Variants in MYO18B observed in about 807,000 individuals in gnomAD.
The protein encoded by MYO18B is myosin XVIIIB, also known as unconventional myosin-XVIIIb.
Under a neutral mutation model 273.0 loss-of-function variants are expected in MYO18B, and 204 were observed. The ratio of observed to expected loss-of-function variants is 0.75; its 90% CI spans 0.67 to 0.84. MYO18B has a LOEUF of 0.84. Ranked by LOEUF, MYO18B falls within the 40% of genes least tolerant of loss-of-function variation. MYO18B has a pLI of 0.00. For synonymous variants in MYO18B, 1,330 were observed against 1,305.7 expected (o/e 1.02, Z -0.40); for missense variants, 3,212 against 3,287.6 (o/e 0.98, Z 0.56).
At position 25,769,155 on chromosome 22, in the gene MYO18B, G is replaced by A; in HGVS notation, c.1239G>A (p.Glu413=). ...CAGGTGAAGCTCGGAGTCAGACAGA[G>A]AAGGGCTGTGAAGCCCCAAAGGAGG... The part of the protein sequence containing the change: ...GNAGEARSQT[E]KGCEAPKEVS... Residue 413 remains glutamate (E), a synonymous_variant, in exon 4 of 44, where the codon GAG becomes GAA. Transcript: ENST00000335473. 6.2e-7 allele frequency: 1 copy of A among 1,613,110 alleles called. No individual in the cohort carries two copies. Among genetic ancestry groups the A allele is most frequent in the Non-Finnish European group, 8.5e-7 (1 of 1,179,580 alleles).
chr22:25,773,742 C>T (rs2086812844), intron 7 of MYO18B, among the ~76,000 whole-genome samples: 1 of 152,220 alleles, frequency 6.6e-6, no homozygotes, highest in African/African-American at 2.4e-5. Flanking sequence ...GGATTACAGG[C>T]ATGAGCCACT....
chr22:25,778,848 T>C (rs2087021760), intron 8 of MYO18B, among the ~76,000 whole-genome samples: 1 of 151,882 alleles, frequency 6.6e-6, no homozygotes, highest in Non-Finnish European at 1.5e-5. Flanking sequence ...TATTATTTTA[T>C]ATTTTATAGA....
chr22:26,062,151 C>A, the MYO18B span, among the ~76,000 whole-genome samples: 1 of 152,120 alleles, frequency 6.6e-6, no homozygotes, highest in African/African-American at 2.4e-5. Context: ...TCTCTTACCC[C>A]CTTCTTCTGG....
intron 39 of MYO18B, among the ~76,000 whole-genome samples, chr22:25,969,976 T>C (rs2093019425): frequency 6.6e-6 from 1 of 152,076 alleles, no homozygotes; most frequent in Admixed American, 6.6e-5. Flanking sequence ...TATCATCTTC[T>C]TCATCACCAC....
intron 25 of MYO18B, among the ~76,000 whole-genome samples, chr22:25,889,205 C>T (rs554932171): frequency 1.4e-4 from 22 of 152,108 alleles, no homozygotes; most frequent in South Asian, 4.2e-4. Flanking sequence ...CATAGATCTG[C>T]GTCTTCCTTC....
rs958997850 is a variant in MYO18B, at chr22:26,021,921, A to G, written c.6471-4524A>G. Reference sequence around the variant, plus strand: ...GGGGTAGCTGTTGTGACCAATGACTATTTCATCCACTAAGTTATAGAACCA... The same window carrying G: ...GGGGTAGCTGTTGTGACCAATGACTGTTTCATCCACTAAGTTATAGAACCA... On this transcript the variant is annotated intron_variant, in intron 42 of 43. Transcript: ENST00000335473. Among the ~76,000 whole-genome samples, 10 of 152,248 alleles carry G rather than the reference A, an allele frequency of 6.6e-5. 1 individual carries two copies. In the Middle Eastern group the frequency reaches 0.01, roughly 155 times the overall value.
At chr22:25,835,209 C>A in intron 16 of MYO18B, 87 bp from the exon 17 acceptor site, 2 of 1,472,190 alleles carry the variant, frequency 1.4e-6, no homozygotes, top group East Asian at 2.4e-5. Flanking sequence ...CTTGGATGCT[C>A]TCATTCCCTA....
chr22:26,021,826 C>G (rs1490285887), intron 42 of MYO18B, among the ~76,000 whole-genome samples: 1 of 152,162 alleles, frequency 6.6e-6, no homozygotes, highest in East Asian at 1.9e-4. Context: ...AGGGTAGGAG[C>G]CATCCGTTTG....
the MYO18B span, among the ~76,000 whole-genome samples, chr22:26,054,173 G>T: frequency 1.3e-5 from 2 of 152,180 alleles, no homozygotes; most frequent in African/African-American, 4.8e-5. Context: ...AGAGCAAGGA[G>T]TCCCAGGACC....
rs1936381305 is a variant in MYO18B at position 26,027,881 on chromosome 22, T to C, written c.*12+191T>C. 1.8e-6 allele frequency: 1 copy of C among 554,412 alleles called. No individual in the cohort carries two copies. The highest frequency in any genetic ancestry group is 3.1e-6 in the Non-Finnish European group (1 of 320,288). The allele number at this position is 554,412 out of a possible 1,614,324, so 34.3% of individuals were successfully genotyped here. Reference sequence around the variant, plus strand: ...TCAGAACCCCTCTGCTGGGTACCTCTACTTCCTTGTACTTTGAAATGCAGA... The same window carrying C: ...TCAGAACCCCTCTGCTGGGTACCTCCACTTCCTTGTACTTTGAAATGCAGA... On this transcript the variant is annotated intron_variant, in intron 43 of 43. Transcript: ENST00000335473. This position sits in a 1 kb window ranked among gnomAD's most constrained non-coding sequence, Gnocchi z 4.1.
At chr22:25,847,339 G>A in intron 19 of MYO18B, 91 bp from the exon 20 acceptor site, 1 of 1,209,816 alleles carries the variant, frequency 8.3e-7, no homozygotes, top group Non-Finnish European at 1.2e-6. Flanking sequence ...AAGATGCTCA[G>A]GTTGGGCTTA....
chr22:25,963,004 A>G (rs1344301390), intron 39 of MYO18B, among the ~76,000 whole-genome samples: 7 of 151,818 alleles, frequency 4.6e-5, no homozygotes, highest in Admixed American at 4.6e-4. Context: ...CTGCATGCCA[A>G]TTGCAAAATC....
intron 39 of MYO18B, among the ~76,000 whole-genome samples, chr22:25,978,719 T>G (rs1404557945): frequency 6.6e-6 from 1 of 152,144 alleles, no homozygotes; most frequent in Non-Finnish European, 1.5e-5. Context: ...TTTGGGAGGC[T>G]GAGGCAGGTG....
chr22:25,847,932 T>C (rs2090304846), intron 20 of MYO18B, among the ~76,000 whole-genome samples: 1 of 133,480 alleles, frequency 7.5e-6, no homozygotes, highest in South Asian at 2.6e-4. Flanking sequence ...TTATTTCTTC[T>C]GAAAACACAC....
At position 25,977,202 on chromosome 22, in the gene MYO18B, C is replaced by T. The variant is rs142060385; in HGVS notation, c.6157-15161C>T. Among the ~76,000 whole-genome samples, 195 of 152,312 alleles carry T rather than the reference C, an allele frequency of 1.3e-3. 1 individual carries two copies. The highest frequency in any genetic ancestry group is 2.1e-3 in the Non-Finnish European group (141 of 68,032). On this transcript the variant is annotated intron_variant, in intron 39 of 43. Transcript: ENST00000335473. ...GCTGTTTCTCCCCGGCTATGCTTAT[C>T]TGCATAGCTGTTGGGTTACAGTCAT...
intron 34 of MYO18B, among the ~76,000 whole-genome samples, chr22:25,940,398 C>T (rs190595534): frequency 6.6e-6 from 1 of 152,196 alleles, no homozygotes; most frequent in Non-Finnish European, 1.5e-5. Flanking sequence ...GAGGCCTCCC[C>T]AGTCATGTGG....
At chr22:25,945,695 G>A (rs530320285) in intron 34 of MYO18B, among the ~76,000 whole-genome samples, 8 of 90,558 alleles carry the variant, frequency 8.8e-5, no homozygotes, top group Non-Finnish European at 1.2e-4. Flanking sequence ...CTCTCCCCTC[G>A]CCTCCCCTCT....
chr22:25,951,389 C>T (rs552640525), intron 37 of MYO18B, among the ~76,000 whole-genome samples: 3 of 152,242 alleles, frequency 2.0e-5, no homozygotes, highest in African/African-American at 7.2e-5. Flanking sequence ...GAATTGAGAC[C>T]AGTCCTTAGA....
At chr22:25,777,456 G>GGATCTGGAGGCA (rs2086957738) in intron 7 of MYO18B, 127 bp from the exon 8 acceptor site, 6 of 890,558 alleles carry the variant, frequency 6.7e-6, no homozygotes, top group Middle Eastern at 3.6e-4. Context: ...AGGGAGTCAG[G>GGATCTGGAGGCA]GATCTGGAGG....
Sources: gnomAD v4.1 joint callset for allele counts (sites outside exome capture counted in the v4.1 genomes callset) on GRCh38, gnomAD v4.1.1 for gene constraint, Gnocchi (gnomAD v3.1) non-coding constraint, MANE v1.5 for transcripts, NCBI Gene and HGNC (gene_info 2026-07-23, HGNC 2026-07-21) for gene names.